USH2A: variants seen among roughly 807,000 people sequenced by gnomAD.
USH2A encodes the protein usherin.
USH2A carries 443 observed loss-of-function variants against 538.9 expected under a neutral mutation model. The observed-to-expected ratio is 0.82, with a 90% CI of 0.76 to 0.89. The LOEUF (loss-of-function observed/expected upper bound fraction) is 0.89. Among genes scored for constraint, USH2A ranks in the 40% least tolerant of loss-of-function variants. USH2A has a pLI of 0.00. For missense variants in USH2A, 6,633 were observed against 6,324.8 expected (o/e 1.05, Z -1.65); for synonymous variants, 2,413 against 2,273.5 (o/e 1.06, Z -1.75).
intron 4 of USH2A, among the ~76,000 whole-genome samples, chr1:216,340,668 C>T (rs1324053484): frequency 1.3e-5 from 2 of 152,066 alleles, no homozygotes; most frequent in African/African-American, 4.8e-5. Flanking sequence ...CTGGCTTCAT[C>T]CCTGGGATGC....
At chr1:215,930,383 A>G (rs1374862278) in intron 38 of USH2A, among the ~76,000 whole-genome samples, 1 of 150,682 alleles carries the variant, frequency 6.6e-6, no homozygotes, top group African/African-American at 2.4e-5. Context: ...ACAGTTTCAG[A>G]CAAGATTTCA....
intron 62 of USH2A, among the ~76,000 whole-genome samples, chr1:215,679,650 G>A (rs1316631654): frequency 6.6e-6 from 1 of 152,204 alleles, no homozygotes; most frequent in African/African-American, 2.4e-5. Context: ...GTTTCTCACG[G>A]CTACATACAG....
intron 36 of USH2A, among the ~76,000 whole-genome samples, chr1:215,966,121 A>T (rs1280731246): frequency 6.6e-6 from 1 of 152,174 alleles, no homozygotes; most frequent in Admixed American, 6.6e-5. Context: ...AAAAATATTG[A>T]TTGTGTTAAT....
chr1:215,982,037 G>A (rs963000202), intron 35 of USH2A, among the ~76,000 whole-genome samples: 1 of 152,192 alleles, frequency 6.6e-6, no homozygotes, highest in Non-Finnish European at 1.5e-5. Context: ...GTTCTTGAGT[G>A]CGTCTCCTGT....
intron 70 of USH2A, among the ~76,000 whole-genome samples, chr1:215,631,423 TCTA>T (rs1162098000): frequency 2.6e-5 from 4 of 152,228 alleles, no homozygotes; most frequent in Non-Finnish European, 1.5e-5. Context: ...TTCATTTTGC[TCTA>T]CTAATACAAA....
intron 46 of USH2A, among the ~76,000 whole-genome samples, chr1:215,840,543 G>A (rs983125712): frequency 2.6e-5 from 4 of 152,148 alleles, no homozygotes; most frequent in African/African-American, 9.7e-5. Flanking sequence ...CAGGCTACCA[G>A]AAGAGGAGGC....
At chr1:216,144,944 T>C (rs2033666434) in intron 21 of USH2A, among the ~76,000 whole-genome samples, 2 of 152,164 alleles carry the variant, frequency 1.3e-5, no homozygotes, top group East Asian at 1.9e-4. Context: ...TTGAGCAAAA[T>C]AGGAAATGTA....
chr1:215,669,981 G>A (rs979027083), intron 64 of USH2A, among the ~76,000 whole-genome samples: 2 of 152,184 alleles, frequency 1.3e-5, no homozygotes, highest in South Asian at 2.1e-4. Context: ...TGGCACTTAA[G>A]TGCTTACATC....
At chr1:215,798,761 T>C (rs1437614530) in intron 50 of USH2A, 146 bp downstream of exon 50, 2 of 930,134 alleles carry the variant, frequency 2.2e-6, no homozygotes, top group Non-Finnish European at 3.4e-6. Context: ...CATTGTTATG[T>C]GTTAAACAAT....
chr1:216,323,744 G>A (rs1434026235), intron 7 of USH2A, 49 bp from the exon 8 acceptor site: 4 of 1,578,560 alleles, frequency 2.5e-6, no homozygotes, highest in Non-Finnish European at 8.7e-7. Flanking sequence ...CACATTTTTG[G>A]CAAAACAGAA....
intron 35 of USH2A, among the ~76,000 whole-genome samples, chr1:215,984,800 C>T (rs563234229): frequency 6.6e-4 from 101 of 152,250 alleles, no homozygotes; most frequent in African/African-American, 2.4e-3. Context: ...TTTGTCTTTT[C>T]CAGTGCAGCA....
rs533511186 is a variant in USH2A at position 215,851,068 on chromosome 1, C to T, written c.8846-5035G>A. 1.1e-4 allele frequency among the ~76,000 whole-genome samples: 16 copies of T among 152,164 alleles called. No homozygotes were observed. The South Asian group carries it at 3.3e-3, about 32-fold the overall frequency. ...CAGTGTTAAGAGGAAAGTTCATAGT[C>T]TTAAATGCCTATATCAAAAACTCAG... On this transcript the variant is annotated intron_variant, in intron 44 of 71. Transcript: ENST00000307340.
intron 11 of USH2A, among the ~76,000 whole-genome samples, chr1:216,282,735 T>C (rs78156195): frequency 2.0e-4 from 30 of 152,266 alleles, no homozygotes; most frequent in Admixed American, 6.5e-4. Flanking sequence ...TAGGATCATA[T>C]GGTCAATGTC....
intron 35 of USH2A, among the ~76,000 whole-genome samples, chr1:215,983,148 G>A (rs950193721): frequency 4.6e-5 from 7 of 151,778 alleles, no homozygotes; most frequent in African/African-American, 9.7e-5. Flanking sequence ...ACGGGGTTTC[G>A]CCATGTTGGC....
intron 15 of USH2A, 97 bp downstream of exon 15, chr1:216,217,290 C>A (rs921163701): frequency 2.0e-6 from 3 of 1,511,118 alleles, no homozygotes; most frequent in Non-Finnish European, 1.8e-6. Context: ...TGTACTAAGC[C>A]TTTCTGATGG....
intron 11 of USH2A, among the ~76,000 whole-genome samples, chr1:216,254,987 T>G (rs1286674270): frequency 6.6e-6 from 1 of 152,236 alleles, no homozygotes; most frequent in Admixed American, 6.5e-5. Context: ...GTTTATTCTC[T>G]ATGATCATGT....
chr1:216,422,102 A>G lies in USH2A; in HGVS notation c.235T>C (p.Cys79Arg). 1 of 1,613,870 alleles carries G rather than the reference A, an allele frequency of 6.2e-7. No homozygotes were observed. The highest frequency in any genetic ancestry group is 8.5e-7 in the Non-Finnish European group (1 of 1,179,892). ...TCCTGAATACAAAACCGCTGGGTACAGAACTGAATACTTTCAGCAGCAGCA... is the reference window on the plus strand; with the variant it reads ...TCCTGAATACAAAACCGCTGGGTACGGAACTGAATACTTTCAGCAGCAGCA... Reference protein sequence around the residue: ...SSAAAESIQFCTQRFCIQDCP... With the variant: ...SSAAAESIQFRTQRFCIQDCP... The change falls in exon 2 of 72, where the codon TGT (cysteine) becomes CGT (arginine). Residue 79 changes from cysteine to arginine, a missense_variant. Physicochemically the swap from Cys to Arg is radical, Grantham distance 180. Transcript: ENST00000307340.
chr1:215,987,475 CA>C (rs1667898952), intron 35 of USH2A, among the ~76,000 whole-genome samples: 1 of 152,094 alleles, frequency 6.6e-6, no homozygotes, highest in Non-Finnish European at 1.5e-5. Context: ...ACACCTTTGC[CA>C]GAGGGAACGT....
At chr1:215,789,538 A>G (rs865916634) in intron 51 of USH2A, among the ~76,000 whole-genome samples, 1 of 152,182 alleles carries the variant, frequency 6.6e-6, no homozygotes, top group East Asian at 1.9e-4. Flanking sequence ...CAAAAACATA[A>G]GCGATTACAC....
Sources: allele counts gnomAD v4.1 joint callset (sites outside exome capture counted in the v4.1 genomes callset), GRCh38; gene constraint gnomAD v4.1.1; transcripts MANE v1.5; gene names NCBI Gene and HGNC (gene_info 2026-07-23, HGNC 2026-07-21).